The following GRM7 variants were observed in gnomAD, a reference collection of about 807,000 sequenced individuals.
The protein encoded by GRM7 is metabotropic glutamate receptor 7.
GRM7 carries 35 observed loss-of-function variants against 84.5 expected under a neutral mutation model. That is an observed-to-expected ratio of 0.41 (90% CI 0.32 to 0.55). GRM7 has a LOEUF of 0.55. GRM7 is among the 20% of genes least tolerant of loss of function. GRM7 has a pLI of 0.19. For missense variants in GRM7, 1,003 were observed against 1,194.6 expected, an observed-to-expected ratio of 0.84 and a Z score of 2.36; for synonymous variants, 487 against 455.1, an observed-to-expected ratio of 1.07 and a Z score of -0.89.
At chr3:6,876,605 T>TA (rs1421491511) in intron 1 of GRM7, among the ~76,000 whole-genome samples, 2 of 148,482 alleles carry the variant, frequency 1.3e-5, no homozygotes, top group African/African-American at 5.0e-5. Context: ...ACTAATTTTT[T>TA]TTTTTTTTTT....
chr3:7,541,282 CT>C (rs1429599822), intron 7 of GRM7, among the ~76,000 whole-genome samples: 1 of 151,868 alleles, frequency 6.6e-6, no homozygotes, highest in South Asian at 2.1e-4. Flanking sequence ...ATTATTCAAA[CT>C]TTTTTTTAAG....
At chr3:7,503,177 C>A (rs1489678833) in intron 7 of GRM7, among the ~76,000 whole-genome samples, 1 of 152,120 alleles carries the variant, frequency 6.6e-6, no homozygotes, top group East Asian at 1.9e-4. Context: ...ATCAGTATTT[C>A]TGGCAAAATC....
intron 4 of GRM7, among the ~76,000 whole-genome samples, chr3:7,373,916 T>A (rs2125120864): frequency 6.6e-6 from 1 of 152,336 alleles, no homozygotes; most frequent in East Asian, 1.9e-4. Context: ...TATTTAACCT[T>A]AATTTTAATT....
At chr3:7,537,571 A>T (rs992531888) in intron 7 of GRM7, among the ~76,000 whole-genome samples, 14 of 152,194 alleles carry the variant, frequency 9.2e-5, no homozygotes, top group African/African-American at 3.1e-4. Flanking sequence ...GTAAAGGTCC[A>T]CAGGCACTTA....
chr3:7,636,853 G>C (rs1280757860), intron 8 of GRM7, among the ~76,000 whole-genome samples: 1 of 152,136 alleles, frequency 6.6e-6, no homozygotes, highest in African/African-American at 2.4e-5. Flanking sequence ...TCGTGTTGCA[G>C]ACCTGTCAGG....
At chr3:7,017,259 C>T (rs1695598438) in intron 1 of GRM7, among the ~76,000 whole-genome samples, 1 of 152,008 alleles carries the variant, frequency 6.6e-6, no homozygotes, top group Admixed American at 6.5e-5. Context: ...TGACAATTTT[C>T]AACAAAATTA....
At chr3:7,174,984 C>T (rs1695098224) in intron 2 of GRM7, among the ~76,000 whole-genome samples, 1 of 152,098 alleles carries the variant, frequency 6.6e-6, no homozygotes, top group South Asian at 2.1e-4. Flanking sequence ...CATTAAATGT[C>T]CCAGCACAAA....
intron 1 of GRM7, among the ~76,000 whole-genome samples, chr3:6,902,175 A>C (rs1427062296): frequency 2.0e-5 from 3 of 152,204 alleles, no homozygotes; most frequent in African/African-American, 7.2e-5. Flanking sequence ...ATTAATGTCT[A>C]CCGTGAAGCA....
intron 5 of GRM7, among the ~76,000 whole-genome samples, chr3:7,447,177 C>G (rs116531160): frequency 0.014 from 2,130 of 152,026 alleles, 56 homozygotes; most frequent in African/African-American, 0.044. Context: ...TCCTAGAAAA[C>G]GTGATGAAAA....
chr3:7,429,095 C>A (rs138343275), intron 5 of GRM7, among the ~76,000 whole-genome samples: 1 of 152,138 alleles, frequency 6.6e-6, no homozygotes, highest in Non-Finnish European at 1.5e-5. Context: ...TCAATTCCTG[C>A]CTCATTAGCT....
At chr3:7,455,066 T>C (rs1172036724) in intron 6 of GRM7, among the ~76,000 whole-genome samples, 1 of 152,138 alleles carries the variant, frequency 6.6e-6, no homozygotes, top group East Asian at 1.9e-4. Context: ...GAAGTGGTCA[T>C]GTTGAAAGGG....
At chr3:7,333,167 ACTT>A (rs149533428) in intron 4 of GRM7, among the ~76,000 whole-genome samples, 5,992 of 152,240 alleles carry the variant, frequency 0.039, 243 homozygotes, top group African/African-American at 0.11. Flanking sequence ...CCACATGACA[ACTT>A]CTCTGCTAGC....
intron 1 of GRM7, among the ~76,000 whole-genome samples, chr3:7,048,364 C>A (rs894920015): frequency 6.6e-6 from 1 of 151,558 alleles, no homozygotes; most frequent in Non-Finnish European, 1.5e-5. Flanking sequence ...TGTACACAAA[C>A]AATACTTTGT....
At chr3:7,621,909 T>C (rs1697377739) in intron 8 of GRM7, among the ~76,000 whole-genome samples, 1 of 152,128 alleles carries the variant, frequency 6.6e-6, no homozygotes, top group Non-Finnish European at 1.5e-5. Context: ...ATAGATTGGA[T>C]TGAGATACAT....
chr3:7,253,012 T>TAAAA (rs539835390), intron 2 of GRM7, among the ~76,000 whole-genome samples: 11 of 70,796 alleles, frequency 1.6e-4, no homozygotes, highest in Middle Eastern at 0.015. Context: ...TGGCTTTTCT[T>TAAAA]AAAAAAAAAA....
intron 4 of GRM7, among the ~76,000 whole-genome samples, chr3:7,380,408 A>G (rs9853732): frequency 0.22 from 34,128 of 152,152 alleles, 5,064 homozygotes; most frequent in East Asian, 0.56. Flanking sequence ...TGTGACACCA[A>G]TCTATTGTGT....
intron 4 of GRM7, among the ~76,000 whole-genome samples, chr3:7,326,254 G>A (rs1700982512): frequency 6.7e-6 from 1 of 150,314 alleles, no homozygotes; most frequent in Non-Finnish European, 1.5e-5. Flanking sequence ...CCTCTTTAAA[G>A]TTCAAATTAT....
At chr3:7,268,914 C>T (rs1009000860) in intron 2 of GRM7, among the ~76,000 whole-genome samples, 2 of 152,156 alleles carry the variant, frequency 1.3e-5, no homozygotes, top group Non-Finnish European at 2.9e-5. Flanking sequence ...AACCAATGGC[C>T]TCCTATAAGT....
At chr3:7,492,574 T>C (rs1699561414) in intron 7 of GRM7, among the ~76,000 whole-genome samples, 1 of 152,144 alleles carries the variant, frequency 6.6e-6, no homozygotes, top group African/African-American at 2.4e-5. Flanking sequence ...TTATTGATGT[T>C]GGTGATTTGG....
Sources: allele counts gnomAD v4.1 joint callset (sites outside exome capture counted in the v4.1 genomes callset), GRCh38; gene constraint gnomAD v4.1.1; transcripts MANE v1.5; gene names NCBI Gene and HGNC (gene_info 2026-07-23, HGNC 2026-07-21).